The following MICAL3 variants were observed in gnomAD, a reference collection of about 807,000 sequenced individuals.
MICAL3 encodes microtubule associated monooxygenase, calponin and LIM domain containing 3.
Under a neutral mutation model 207.4 loss-of-function variants are expected in MICAL3, and 62 were observed. The observed-to-expected ratio is 0.30, with a 90% CI of 0.24 to 0.37. The LOEUF is 0.37. Among genes scored for constraint, MICAL3 ranks in the 10% least tolerant of loss-of-function variants. MICAL3 has a pLI of 1.00. For missense variants in MICAL3, 2,368 were observed against 2,635.6 expected, an observed-to-expected ratio of 0.90 and a Z score of 2.22; for synonymous variants, 1,077 against 1,069.3, an observed-to-expected ratio of 1.01 and a Z score of -0.14.
At chr22:17,894,028 G>A (rs555110844) in intron 10 of MICAL3, 124 bp from the exon 11 acceptor site, 1 of 687,782 alleles carries the variant, frequency 1.5e-6, no homozygotes, top group South Asian at 1.7e-5. Flanking sequence ...TCAGACAGAA[G>A]TTAGGATGAT....
rs1927050985 is a variant in MICAL3, at chr22:17,865,848, T to C, written c.2517+76A>G. ...CAAGGACGCAGGGGCATTTGCAGGT[T>C]GGCCGCCCCCGGCCCATAGCCACAC... On this transcript the variant is annotated intron_variant, in intron 18 of 31. Coordinates refer to ENST00000441493, the MANE Select transcript of MICAL3 (RefSeq NM_015241.3). The C allele has an allele frequency of 3.3e-6, 4 of 1,227,724 alleles. No homozygotes were observed. In the East Asian group the frequency reaches 9.3e-5, roughly 29 times the overall value. The allele number at this position is 1,227,724 out of a possible 1,614,324, so 76.1% of individuals were successfully genotyped here. A position where few individuals can be genotyped will look rare whatever the true frequency, so the allele number is the denominator to read the frequency against.
chr22:17,809,382 T>C lies in MICAL3; in HGVS notation c.5557-445A>G, dbSNP rs190021060. Among the ~76,000 whole-genome samples, 48 of 152,306 alleles carry C rather than the reference T, an allele frequency of 3.2e-4. 1 individual carries two copies. The East Asian group carries it at 8.9e-3, about 28-fold the overall frequency. On this transcript the variant is annotated intron_variant, in intron 28 of 31. Coordinates refer to ENST00000441493, the MANE Select transcript of MICAL3 (RefSeq NM_015241.3). Reference sequence around the variant, plus strand: ...CAGGCACGGTGGCTCATCCGTGTAATCCCAACACTTTGGGAGGCTGAGGTG... The same window carrying C: ...CAGGCACGGTGGCTCATCCGTGTAACCCCAACACTTTGGGAGGCTGAGGTG...
intron 1 of MICAL3, among the ~76,000 whole-genome samples, chr22:17,989,268 T>C (rs1255757845): frequency 6.6e-6 from 1 of 152,086 alleles, no homozygotes; most frequent in Non-Finnish European, 1.5e-5. Flanking sequence ...GCCGCTACCT[T>C]ACCTTGCCCT....
At chr22:17,829,951 G>C (rs535006356) in intron 21 of MICAL3, among the ~76,000 whole-genome samples, 1 of 152,156 alleles carries the variant, frequency 6.6e-6, no homozygotes, top group African/African-American at 2.4e-5. Flanking sequence ...TGCAGAGCCC[G>C]TCAGCACAGT....
intron 1 of MICAL3, chr22:17,981,004 G>A (rs1462382722): frequency 4.4e-6 from 2 of 454,220 alleles, no homozygotes; most frequent in Non-Finnish European, 9.6e-6. Context: ...GACTGCAGGA[G>A]GGCAGTATTT....
At position 17,816,546 on chromosome 22, in the gene MICAL3, C is replaced by G. The variant is rs1044536798; in HGVS notation, c.5445+144G>C. On this transcript the variant is annotated intron_variant, in intron 27 of 31. Coordinates refer to ENST00000441493, the MANE Select transcript of MICAL3 (RefSeq NM_015241.3). Reference sequence around the variant, plus strand: ...AGCGTGACCGCCTCAGTGCATAGGGCTGGGTCAGCAGTCAGCTGGCTATGC... The same window carrying G: ...AGCGTGACCGCCTCAGTGCATAGGGGTGGGTCAGCAGTCAGCTGGCTATGC... 9.8e-5 allele frequency: 67 copies of G among 685,054 alleles called. 2 individuals are homozygous for G. Among genetic ancestry groups the G allele is most frequent in the Non-Finnish European group, 7.6e-6 (3 of 392,550 alleles). The allele number at this position is 685,054 out of a possible 1,614,324, so 42.4% of individuals were successfully genotyped here. A position where few individuals can be genotyped will look rare whatever the true frequency, so the allele number is the denominator to read the frequency against.
At chr22:17,892,335 CTAT>C (rs1433871706) in intron 11 of MICAL3, among the ~76,000 whole-genome samples, 1 of 152,178 alleles carries the variant, frequency 6.6e-6, no homozygotes, top group African/African-American at 2.4e-5. Flanking sequence ...TTTAAAAATC[CTAT>C]TATTAATCAC....
chr22:17,940,659 T>C (rs1372708183), intron 1 of MICAL3, among the ~76,000 whole-genome samples: 2 of 151,746 alleles, frequency 1.3e-5, no homozygotes, highest in African/African-American at 4.8e-5. Flanking sequence ...TCCAAGAATA[T>C]ATCATAAAAA....
chr22:17,827,730 ATCTCCAGAG>A lies in MICAL3; in HGVS notation c.3098_3106del (p.Pro1033_Ile1036delinsLeu), dbSNP rs1369663583. The stretch of plus-strand genomic sequence containing the variant: ...ATGAGTCCAGTGCACGTCAGCCTGG[ATCTCCAGAG>A]GATCCGCCGCGTGCATGACCTGCTG... On this transcript the variant is annotated inframe_deletion, in exon 22 of 32. Transcript: ENST00000441493. 1 of 1,571,122 alleles carries A rather than the reference ATCTCCAGAG, an allele frequency of 6.4e-7. No individual in the cohort carries two copies. Among genetic ancestry groups the A allele is most frequent in the Non-Finnish European group, 8.6e-7 (1 of 1,158,388 alleles).
intron 19 of MICAL3, among the ~76,000 whole-genome samples, chr22:17,856,100 T>G (rs149689185): frequency 5.9e-5 from 9 of 152,360 alleles, no homozygotes; most frequent in African/African-American, 1.9e-4. Flanking sequence ...CTGTGCACAG[T>G]GCGTGCTACA....
At chr22:18,000,719 A>T (rs936704990) in intron 1 of MICAL3, among the ~76,000 whole-genome samples, 3 of 152,212 alleles carry the variant, frequency 2.0e-5, no homozygotes, top group African/African-American at 7.2e-5. Context: ...CTGAGACTAG[A>T]GGCGAAGGCG....
chr22:17,979,332 G>A (rs1054466356), intron 1 of MICAL3, among the ~76,000 whole-genome samples: 3 of 151,572 alleles, frequency 2.0e-5, no homozygotes, highest in African/African-American at 7.3e-5. Flanking sequence ...ATCACCTGAG[G>A]TCAGGAGTTC....
At chr22:17,820,457 C>T (rs1467882086) in intron 25 of MICAL3, among the ~76,000 whole-genome samples, 2 of 152,204 alleles carry the variant, frequency 1.3e-5, no homozygotes, top group Non-Finnish European at 2.9e-5. Flanking sequence ...CGGGTTCATG[C>T]CATTCTCCTG....
chr22:17,819,356 G>T (rs5992855), intron 25 of MICAL3, among the ~76,000 whole-genome samples: 1 of 151,958 alleles, frequency 6.6e-6, no homozygotes, highest in Non-Finnish European at 1.5e-5. Context: ...AGACAAACTG[G>T]GTTTTCAGGA....
At chr22:17,947,705 A>G (rs1427430490) in intron 1 of MICAL3, among the ~76,000 whole-genome samples, 1 of 151,998 alleles carries the variant, frequency 6.6e-6, no homozygotes, top group East Asian at 1.9e-4. Flanking sequence ...ACCACAGGCG[A>G]TGGTGTGCAC....
At chr22:17,958,701 T>A (rs1178366811) in intron 1 of MICAL3, among the ~76,000 whole-genome samples, 1 of 135,880 alleles carries the variant, frequency 7.4e-6, no homozygotes, top group East Asian at 1.9e-4. Flanking sequence ...TGTTGGGTTT[T>A]TTTATTTTTT....
chr22:17,916,781 T>C (rs547461785), intron 1 of MICAL3, among the ~76,000 whole-genome samples: 38 of 152,096 alleles, frequency 2.5e-4, no homozygotes, highest in Non-Finnish European at 4.9e-4. Flanking sequence ...ATCCCAAGCC[T>C]CTGCACGTTG....
At chr22:17,985,369 T>A (rs904213235) in intron 1 of MICAL3, among the ~76,000 whole-genome samples, 1 of 152,104 alleles carries the variant, frequency 6.6e-6, no homozygotes, top group Admixed American at 6.5e-5. Context: ...ACAGAGCCCG[T>A]AACCTCTACT....
In MICAL3 at chr22:17,818,491, G is replaced by A; in HGVS notation, c.4170C>T (p.Gly1390=). Reference sequence around the variant, plus strand: ...ACGGCTCGCCTTCCGGCTTTGGCAGGCCCAGCCTTTTGGGGATGGACAGAG... The same window carrying A: ...ACGGCTCGCCTTCCGGCTTTGGCAGACCCAGCCTTTTGGGGATGGACAGAG... ...LKPLSIPKRL[G]LPKPEGEPLS... The change falls in exon 26 of 32, where the codon GGC becomes GGT. Residue 1390 remains glycine, a synonymous_variant. Transcript: ENST00000441493. 3 of 1,613,002 alleles carry A rather than the reference G, an allele frequency of 1.9e-6. No homozygotes were observed. The highest frequency in any genetic ancestry group is 2.5e-6 in the Non-Finnish European group (3 of 1,179,888).
Sources: gnomAD v4.1 joint callset for allele counts (sites outside exome capture counted in the v4.1 genomes callset) on GRCh38, gnomAD v4.1.1 for gene constraint, MANE v1.5 for transcripts, NCBI Gene and HGNC (gene_info 2026-07-23, HGNC 2026-07-21) for gene names.